The following FCRL1 variants were observed in gnomAD, a reference collection of about 807,000 sequenced individuals.
The protein encoded by FCRL1 is Fc receptor like 1.
A neutral mutation model predicts 49.2 loss-of-function variants in FCRL1; 34 were observed. The ratio of observed to expected loss-of-function variants is 0.69; its 90% CI spans 0.53 to 0.92. The LOEUF (loss-of-function observed/expected upper bound fraction) is 0.92. FCRL1 is among the 40% of genes least tolerant of loss of function. The pLI is 0.00. For synonymous variants in FCRL1, 218 were observed against 201.6 expected, an observed-to-expected ratio of 1.08 and a Z score of -0.69; for missense variants, 524 against 524.1, an observed-to-expected ratio of 1.00 and a Z score of 0.00.
At chr1:157,801,355 T>G (rs897039825) in intron 6 of FCRL1, 106 bp downstream of exon 6, 3 of 761,202 alleles carry the variant, frequency 3.9e-6, no homozygotes, top group African/African-American at 1.7e-5. Flanking sequence ...ATAGGCAAGG[T>G]GTTAACAGCA....
At chr1:157,810,577 G>A (rs530731156) in intron 1 of FCRL1, among the ~76,000 whole-genome samples, 52 of 152,014 alleles carry the variant, frequency 3.4e-4, no homozygotes, top group African/African-American at 1.1e-3. Flanking sequence ...GATTACAGTC[G>A]TGAGCCACTG....
Position 157,811,018 on chromosome 1 carries a change from C to T in FCRL1, c.32-3896G>A, listed in dbSNP as rs573612914. 9.2e-5 allele frequency among the ~76,000 whole-genome samples: 14 copies of T among 152,132 alleles called. No individual in the cohort carries two copies. The South Asian group carries it at 2.7e-3, about 29-fold the overall frequency. On this transcript the variant is annotated intron_variant, in intron 1 of 10. Transcript: ENST00000368176. ...CTGGTCTGAAACACCTGATGTCAAGCGATCCTCCCGCCTCAACCTCCCAAA... is the reference window on the plus strand; with the variant it reads ...CTGGTCTGAAACACCTGATGTCAAGTGATCCTCCCGCCTCAACCTCCCAAA...
chr1:157,813,474 T>C (rs1654613641), intron 1 of FCRL1, among the ~76,000 whole-genome samples: 1 of 152,170 alleles, frequency 6.6e-6, no homozygotes, highest in African/African-American at 2.4e-5. Flanking sequence ...ATTGAGAGTT[T>C]CAACAGCAAA....
chr1:157,810,948 A>G, intron 1 of FCRL1, among the ~76,000 whole-genome samples: 1 of 151,678 alleles, frequency 6.6e-6, no homozygotes. Context: ...ATAATTATTT[A>G]TTTTTTATTT....
intron 3 of FCRL1, among the ~76,000 whole-genome samples, chr1:157,803,516 C>G (rs146483956): frequency 3.9e-5 from 6 of 152,320 alleles, no homozygotes; most frequent in African/African-American, 1.4e-4. Flanking sequence ...CACAATGCAG[C>G]ACCACATATT....
intron 4 of FCRL1, 63 bp from the exon 5 acceptor site, chr1:157,802,256 C>G: frequency 6.3e-7 from 1 of 1,577,444 alleles, no homozygotes; most frequent in East Asian, 2.2e-5. Context: ...ATAATCCCTG[C>G]CCACCGATGC....
At chr1:157,804,397 A>T (rs1653064725) in intron 2 of FCRL1, among the ~76,000 whole-genome samples, 1 of 152,190 alleles carries the variant, frequency 6.6e-6, no homozygotes, top group South Asian at 2.1e-4. Flanking sequence ...CTATCCATAA[A>T]CTAAAAACAC....
intron 1 of FCRL1, among the ~76,000 whole-genome samples, chr1:157,810,300 CT>C (rs546970268): frequency 1.3e-3 from 197 of 146,174 alleles, no homozygotes; most frequent in Middle Eastern, 3.5e-3. Context: ...TTTCTTTTTT[CT>C]TTTTTTTTTT....
chr1:157,804,248 C>G (rs1016757282), intron 2 of FCRL1, 137 bp from the exon 3 acceptor site: 67 of 941,342 alleles, frequency 7.1e-5, no homozygotes, highest in South Asian at 1.7e-4. Context: ...ATGTCTCCAC[C>G]CCCCCCCCAG....
intron 1 of FCRL1, among the ~76,000 whole-genome samples, chr1:157,816,747 G>T (rs773998708): frequency 6.6e-6 from 1 of 151,506 alleles, no homozygotes; most frequent in Non-Finnish European, 1.5e-5. Context: ...CTATGTCACT[G>T]ATTTGGGCAG....
chr1:157,799,452 C>T (rs973076915), intron 7 of FCRL1, among the ~76,000 whole-genome samples: 14 of 152,152 alleles, frequency 9.2e-5, no homozygotes, highest in Admixed American at 9.2e-4. Context: ...AGAGGTCCTT[C>T]ATATCCCTTG....
At position 157,820,078 on chromosome 1, in the gene FCRL1, C is replaced by G; in HGVS notation, c.-41G>C. 1 of 1,612,244 alleles carries G rather than the reference C, an allele frequency of 6.2e-7. No homozygotes were observed. Among genetic ancestry groups the G allele is most frequent in the Non-Finnish European group, 8.5e-7 (1 of 1,178,810 alleles). On this transcript the variant is annotated 5_prime_UTR_variant, in exon 1 of 11. Transcript: ENST00000368176. ...GATGGTACCTAGAGATGCCTCTCATCAAAAAAAGAATGCACCTCAGAGTCG... is the reference window on the plus strand; with the variant it reads ...GATGGTACCTAGAGATGCCTCTCATGAAAAAAAGAATGCACCTCAGAGTCG...
chr1:157,812,946 A>C lies in FCRL1; in HGVS notation c.32-5824T>G, dbSNP rs575575087. On this transcript the variant is annotated intron_variant, in intron 1 of 10. Coordinates refer to ENST00000368176, the MANE Select transcript of FCRL1 (RefSeq NM_052938.5). ...CTATCTTGCCACCACCACCCTCACA[A>C]ACTCCTACAGCCTAGGCCACTGAGG... 3.9e-5 allele frequency among the ~76,000 whole-genome samples: 6 copies of C among 152,146 alleles called. No homozygotes were observed. The South Asian group carries it at 1.2e-3, about 32-fold the overall frequency.
chr1:157,797,650 T>C, intron 9 of FCRL1: 1 of 1,226,790 alleles, frequency 8.2e-7, no homozygotes, highest in Non-Finnish European at 1.2e-6. Flanking sequence ...TTAAGAAATT[T>C]GACAGCCCAT....
Position 157,795,594 on chromosome 1 carries a change from C to T in FCRL1, c.*505G>A, listed in dbSNP as rs1176067770. 1 of 152,522 alleles carries T rather than the reference C, an allele frequency of 6.6e-6. No individual in the cohort carries two copies. The highest frequency in any genetic ancestry group is 2.4e-5 in the African/African-American group (1 of 41,406). The allele number at this position is 152,522 out of a possible 1,614,324, so 9.4% of individuals were successfully genotyped here. ...TAGTTCTAATTTGGTAACAGTGACT[C>T]AAAATAAATAGAATCATATTTTAGG... On this transcript the variant is annotated 3_prime_UTR_variant, in exon 11 of 11. Transcript: ENST00000368176.
chr1:157,798,395 T>C (rs9426992), intron 7 of FCRL1, 152 bp from the exon 8 acceptor site: 37,709 of 659,658 alleles, frequency 0.057, 1,955 homozygotes, highest in South Asian at 0.21. Flanking sequence ...CAGTGTGGTA[T>C]GAGTCACGGC....
chr1:157,799,379 T>C (rs1178352280), intron 7 of FCRL1, among the ~76,000 whole-genome samples: 1 of 152,192 alleles, frequency 6.6e-6, no homozygotes, highest in Non-Finnish European at 1.5e-5. Flanking sequence ...GAGCATGGAA[T>C]GTTCTTCCAT....
intron 10 of FCRL1, among the ~76,000 whole-genome samples, chr1:157,796,650 T>C (rs1453040211): frequency 6.6e-6 from 1 of 152,244 alleles, no homozygotes; most frequent in African/African-American, 2.4e-5. Context: ...GTATCAGTGG[T>C]GATACCTTGA....
chr1:157,808,623 C>T (rs1653834204), intron 1 of FCRL1, among the ~76,000 whole-genome samples: 1 of 152,156 alleles, frequency 6.6e-6, no homozygotes, highest in Non-Finnish European at 1.5e-5. Context: ...GGATTTCATT[C>T]TAGGTGTGAT....
Sources: allele counts gnomAD v4.1 joint callset (sites outside exome capture counted in the v4.1 genomes callset), GRCh38; gene constraint gnomAD v4.1.1; transcripts MANE v1.5; gene names NCBI Gene and HGNC (gene_info 2026-07-23, HGNC 2026-07-21).